The following KLF12 variants were observed in gnomAD, a reference collection of about 807,000 sequenced individuals.
KLF12 encodes Krueppel-like factor 12.
A neutral mutation model predicts 37.8 loss-of-function variants in KLF12; 9 were observed. The observed-to-expected ratio is 0.24, with a 90% confidence interval of 0.14 to 0.42. KLF12 has a LOEUF of 0.42. Ranked by LOEUF, KLF12 falls within the 10% of genes least tolerant of loss-of-function variation. KLF12 has a pLI of 1.00. For synonymous variants in KLF12, 208 were observed against 202.1 expected (o/e 1.03, Z -0.25); for missense variants, 411 against 516.0 (o/e 0.80, Z 1.97).
chr13:74,174,519 G>A, the KLF12 span, among the ~76,000 whole-genome samples: 74 of 151,952 alleles, frequency 4.9e-4, no homozygotes, highest in African/African-American at 1.7e-3. Context: ...GATTACAGGC[G>A]TGAGCCACCA....
chr13:73,908,410 A>C (rs112973843), intron 3 of KLF12, among the ~76,000 whole-genome samples: 7,233 of 150,224 alleles, frequency 0.048, 435 homozygotes, highest in African/African-American at 0.14. Context: ...TCAAAAAAAA[A>C]AAACAAACAA....
chr13:73,935,396 TG>T (rs1212057543), intron 3 of KLF12, among the ~76,000 whole-genome samples: 1 of 152,208 alleles, frequency 6.6e-6, no homozygotes, highest in Non-Finnish European at 1.5e-5. Context: ...CAGTATGATA[TG>T]GTTTGGAAGT....
the KLF12 span, among the ~76,000 whole-genome samples, chr13:74,236,078 A>G: frequency 6.7e-6 from 1 of 148,540 alleles, no homozygotes; most frequent in Non-Finnish European, 1.5e-5. Flanking sequence ...TATATCTCCC[A>G]ATGCTGTCCC....
Position 73,895,753 on chromosome 13 carries a change from C to G in KLF12, c.123+48228G>C, listed in dbSNP as rs116858121. On this transcript the variant is annotated intron_variant, in intron 3 of 7. Coordinates refer to ENST00000377669, the MANE Select transcript of KLF12 (RefSeq NM_007249.5). Reference sequence around the variant, plus strand: ...AATAGGTAGTTTGATATTAGATTAACAAGTTTTGCAGACCTAAATCAGAAT... The same window carrying G: ...AATAGGTAGTTTGATATTAGATTAAGAAGTTTTGCAGACCTAAATCAGAAT... 3.3e-3 allele frequency among the ~76,000 whole-genome samples: 497 copies of G among 151,714 alleles called. 3 individuals are homozygous for G. Among genetic ancestry groups the G allele is most frequent in the East Asian group, 7.6e-3 (39 of 5,150 alleles).
At chr13:73,987,974 A>G (rs1030712871) in intron 2 of KLF12, among the ~76,000 whole-genome samples, 3 of 152,130 alleles carry the variant, frequency 2.0e-5, no homozygotes, top group Non-Finnish European at 4.4e-5. Flanking sequence ...TAAATCTTTG[A>G]CTTGTGTTTG....
chr13:73,845,463 C>T (rs544044906), intron 4 of KLF12, among the ~76,000 whole-genome samples: 1 of 152,288 alleles, frequency 6.6e-6, no homozygotes, highest in South Asian at 2.1e-4. Context: ...ATTTACAATT[C>T]ATAATCAGTA....
intron 3 of KLF12, among the ~76,000 whole-genome samples, chr13:73,917,511 A>G (rs1888905245): frequency 6.6e-6 from 1 of 152,218 alleles, no homozygotes; most frequent in Non-Finnish European, 1.5e-5. Context: ...ATAGAAGTAT[A>G]TTTAAGAGCC....
the KLF12 span, among the ~76,000 whole-genome samples, chr13:74,162,802 G>C: frequency 3.3e-5 from 5 of 152,098 alleles, no homozygotes; most frequent in Admixed American, 3.3e-4. Context: ...AAAACAGCCG[G>C]AGATATGGAA....
chr13:73,723,233 G>A (rs1279978523), intron 6 of KLF12, among the ~76,000 whole-genome samples: 1 of 152,182 alleles, frequency 6.6e-6, no homozygotes, highest in Non-Finnish European at 1.5e-5. Context: ...CAGATATAGA[G>A]TATCTATTCA....
intron 3 of KLF12, among the ~76,000 whole-genome samples, chr13:73,879,996 C>A (rs757289081): frequency 2.0e-5 from 3 of 152,218 alleles, no homozygotes; most frequent in Non-Finnish European, 4.4e-5. Context: ...CCTGATCCTT[C>A]AGTCGTCTCA....
At position 74,023,145 on chromosome 13, in the gene KLF12, C is replaced by T. The variant is rs1403797478; in HGVS notation, c.-31-28092G>A. Among the ~76,000 whole-genome samples, 5 of 152,338 alleles carry T rather than the reference C, an allele frequency of 3.3e-5. No homozygotes were observed. In the South Asian group the frequency reaches 8.3e-4, roughly 25 times the overall value. On this transcript the variant is annotated intron_variant, in intron 1 of 7. Coordinates refer to ENST00000377669, the MANE Select transcript of KLF12 (RefSeq NM_007249.5). ...ATGCCCAGGCCCTACCCTTAACCCA[C>T]CAGATTAGAACCTCTGGGGATGGGA... is the stretch of plus-strand genomic sequence containing the variant.
upstream of KLF12, among the ~76,000 whole-genome samples, chr13:74,134,576 C>A (rs1330871660): frequency 2.0e-5 from 3 of 151,412 alleles, no homozygotes; most frequent in African/African-American, 7.3e-5. Context: ...CCCCGGGCCT[C>A]GGCAGCGCTT....
At chr13:74,124,552 TAGAC>T (rs758746760) in intron 1 of KLF12, among the ~76,000 whole-genome samples, 26 of 152,356 alleles carry the variant, frequency 1.7e-4, no homozygotes, top group Non-Finnish European at 2.1e-4. Context: ...AGACCTTCAT[TAGAC>T]AGCATCACAT....
chr13:74,089,262 C>A (rs1037387955), intron 1 of KLF12, among the ~76,000 whole-genome samples: 2 of 152,128 alleles, frequency 1.3e-5, no homozygotes, highest in South Asian at 4.1e-4. Flanking sequence ...GACACACAGG[C>A]TCAGGTTCAT....
chr13:73,952,325 G>A (rs1262968645), intron 2 of KLF12, among the ~76,000 whole-genome samples: 1 of 152,186 alleles, frequency 6.6e-6, no homozygotes, highest in African/African-American at 2.4e-5. Context: ...AATCATGGCA[G>A]AAGGCGAAGA....
the KLF12 span, among the ~76,000 whole-genome samples, chr13:74,220,400 A>G: frequency 6.6e-6 from 1 of 152,116 alleles, no homozygotes; most frequent in Non-Finnish European, 1.5e-5. Flanking sequence ...GATTTTATTT[A>G]TTGTTTTAAT....
At chr13:74,052,206 A>T (rs1872966134) in intron 1 of KLF12, among the ~76,000 whole-genome samples, 1 of 152,124 alleles carries the variant, frequency 6.6e-6, no homozygotes, top group Non-Finnish European at 1.5e-5. Context: ...TATAAATACC[A>T]GGGTTTTAAA....
intron 4 of KLF12, among the ~76,000 whole-genome samples, chr13:73,828,573 T>G (rs899362140): frequency 6.6e-6 from 1 of 152,150 alleles, no homozygotes; most frequent in Non-Finnish European, 1.5e-5. Flanking sequence ...CACACCACCC[T>G]GCTCAGGCTC....
At chr13:73,843,676 C>G (rs1022516403) in intron 4 of KLF12, among the ~76,000 whole-genome samples, 5 of 152,102 alleles carry the variant, frequency 3.3e-5, no homozygotes, top group African/African-American at 7.2e-5. Flanking sequence ...TATTTTATCA[C>G]TAATAAAAAT....
Sources: allele counts gnomAD v4.1 joint callset (sites outside exome capture counted in the v4.1 genomes callset), GRCh38; gene constraint gnomAD v4.1.1; transcripts MANE v1.5; gene names NCBI Gene and HGNC (gene_info 2026-07-23, HGNC 2026-07-21).